PTPRG: variants seen among roughly 807,000 people sequenced by gnomAD.
PTPRG encodes receptor-type tyrosine-protein phosphatase gamma.
In PTPRG, 102 loss-of-function variants were observed where a neutral mutation model predicts 165.3. The observed-to-expected ratio is 0.62, with a 90% CI of 0.53 to 0.73. The LOEUF (loss-of-function observed/expected upper bound fraction) is 0.73, where lower values mean the gene tolerates loss of function less well. Ranked by LOEUF, PTPRG falls within the 30% of genes least tolerant of loss-of-function variation. The pLI, the probability that PTPRG is intolerant of heterozygous loss-of-function variation, is 0.00. For synonymous variants in PTPRG, 675 were observed against 669.5 expected (o/e 1.01, Z -0.13); for missense variants, 1,866 against 1,861.4 (o/e 1.00, Z -0.05).
At chr3:62,102,365 C>T (rs1702322359) in intron 5 of PTPRG, among the ~76,000 whole-genome samples, 1 of 152,166 alleles carries the variant, frequency 6.6e-6, no homozygotes. Context: ...ACCTCCGCCT[C>T]CTGGGTTCAA....
chr3:61,998,628 GTATCAAGA>G (rs2041096946), intron 3 of PTPRG, among the ~76,000 whole-genome samples: 1 of 152,182 alleles, frequency 6.6e-6, no homozygotes, highest in African/African-American at 2.4e-5. Context: ...TTTACTTCTT[GTATCAAGA>G]AGGTATAGAC....
At chr3:61,979,331 T>C (rs757062743) in intron 2 of PTPRG, among the ~76,000 whole-genome samples, 43 of 152,362 alleles carry the variant, frequency 2.8e-4, no homozygotes, top group Non-Finnish European at 5.1e-4. Context: ...TGAAATATTA[T>C]TTGTTTTGAT....
At chr3:61,771,392 A>AC (rs1260952203) in intron 2 of PTPRG, 1 of 151,606 alleles carries the variant, frequency 6.6e-6, no homozygotes, top group African/African-American at 2.4e-5. Context: ...CTAAAAAAAA[A>AC]AAACTTTCTA....
At chr3:61,721,389 C>CA (rs971433703) in intron 1 of PTPRG, among the ~76,000 whole-genome samples, 2 of 152,072 alleles carry the variant, frequency 1.3e-5, no homozygotes, top group Admixed American at 1.3e-4. Context: ...TTTACAAACT[C>CA]AAAGATGTAC....
intron 1 of PTPRG, among the ~76,000 whole-genome samples, chr3:61,697,035 C>G (rs1334885401): frequency 6.6e-6 from 1 of 152,138 alleles, no homozygotes; most frequent in African/African-American, 2.4e-5. Context: ...AATATGGCAC[C>G]TTGGAATTTG....
intron 2 of PTPRG, among the ~76,000 whole-genome samples, chr3:61,908,592 G>T (rs2107535309): frequency 6.6e-6 from 1 of 152,162 alleles, no homozygotes; most frequent in Non-Finnish European, 1.5e-5. Flanking sequence ...GTGACTCAGT[G>T]CAGCAATAAA....
intron 1 of PTPRG, among the ~76,000 whole-genome samples, chr3:61,629,520 T>A (rs1336942290): frequency 2.0e-5 from 3 of 152,194 alleles, no homozygotes; most frequent in Admixed American, 2.0e-4. Context: ...ACAGACACTA[T>A]TAGGTTTAAT....
chr3:61,997,421 G>C (rs939211692), intron 3 of PTPRG, among the ~76,000 whole-genome samples: 1 of 152,094 alleles, frequency 6.6e-6, no homozygotes. Flanking sequence ...CTCTGTCCTC[G>C]TGTCCCATCC....
chr3:62,175,632 G>A (rs1303646879), intron 8 of PTPRG, among the ~76,000 whole-genome samples: 2 of 152,222 alleles, frequency 1.3e-5, no homozygotes, highest in Non-Finnish European at 2.9e-5. Flanking sequence ...TAGAAATAAA[G>A]TTGAACAAGG....
Position 62,222,299 on chromosome 3 carries a change from G to C in PTPRG, c.2288+3316G>C, listed in dbSNP as rs886852057. Among the ~76,000 whole-genome samples, 7 of 152,192 alleles carry C rather than the reference G, an allele frequency of 4.6e-5. No individual in the cohort carries two copies. The highest frequency in any genetic ancestry group is 4.4e-5 in the Non-Finnish European group (3 of 68,026). ...TGGAACATCAGGACTTGGCTGGTTTGGTCTGTCTGTGTTTCTCTTGCCGTC... is the reference window on the plus strand; with the variant it reads ...TGGAACATCAGGACTTGGCTGGTTTCGTCTGTCTGTGTTTCTCTTGCCGTC... On this transcript the variant is annotated intron_variant, in intron 13 of 29. Coordinates refer to ENST00000474889, the MANE Select transcript of PTPRG (RefSeq NM_002841.4). This position sits in a 1 kb window ranked among gnomAD's most constrained non-coding sequence, Gnocchi z 4.5.
At chr3:62,074,965 T>G (rs1015491507) in intron 4 of PTPRG, among the ~76,000 whole-genome samples, 1 of 152,210 alleles carries the variant, frequency 6.6e-6, no homozygotes, top group Non-Finnish European at 1.5e-5. Flanking sequence ...CAGCAAAACC[T>G]CATCTACTTA....
At chr3:61,960,313 G>A (rs536311863) in intron 2 of PTPRG, among the ~76,000 whole-genome samples, 5 of 151,876 alleles carry the variant, frequency 3.3e-5, no homozygotes, top group South Asian at 4.2e-4. Context: ...TGGAGTGGTG[G>A]CATGGCCTCT....
At chr3:62,262,945 A>G (rs1559723255) in intron 17 of PTPRG, 51 bp downstream of exon 17, 1 of 1,384,374 alleles carries the variant, frequency 7.2e-7, no homozygotes, top group Non-Finnish European at 1.0e-6. Context: ...TTAAATTTTC[A>G]TGCTGGGTAT....
chr3:61,686,913 A>C (rs1224066463), intron 1 of PTPRG, among the ~76,000 whole-genome samples: 1 of 152,154 alleles, frequency 6.6e-6, no homozygotes, highest in Non-Finnish European at 1.5e-5. Flanking sequence ...TTGTCTTGAG[A>C]GGTATGGGGA....
chr3:62,192,296 T>C (rs966765531), intron 9 of PTPRG, among the ~76,000 whole-genome samples: 2 of 151,544 alleles, frequency 1.3e-5, no homozygotes, highest in Non-Finnish European at 2.9e-5. Context: ...CTCTAAAAAT[T>C]TACATAAATG....
At chr3:61,580,050 G>A (rs1173469872) in intron 1 of PTPRG, among the ~76,000 whole-genome samples, 1 of 152,176 alleles carries the variant, frequency 6.6e-6, no homozygotes, top group Non-Finnish European at 1.5e-5. Flanking sequence ...TGCATAAGAT[G>A]CATGTAGATA....
chr3:62,041,442 C>CT (rs1700125210), intron 4 of PTPRG, among the ~76,000 whole-genome samples: 1 of 152,162 alleles, frequency 6.6e-6, no homozygotes, highest in Non-Finnish European at 1.5e-5. Flanking sequence ...CAAGACAAGA[C>CT]TTTTAGTCTG....
intron 3 of PTPRG, among the ~76,000 whole-genome samples, chr3:61,992,721 C>T (rs756351810): frequency 2.6e-5 from 4 of 152,170 alleles, no homozygotes; most frequent in Non-Finnish European, 5.9e-5. Context: ...AGGATTTCAC[C>T]ATGCTGGCCA....
At chr3:61,821,845 G>A (rs1314550176) in intron 2 of PTPRG, among the ~76,000 whole-genome samples, 3 of 152,232 alleles carry the variant, frequency 2.0e-5, no homozygotes, top group Non-Finnish European at 4.4e-5. Context: ...GCACCTTTAT[G>A]TGGTAGTCAC....
Sources: allele counts gnomAD v4.1 joint callset (sites outside exome capture counted in the v4.1 genomes callset), GRCh38; gene constraint gnomAD v4.1.1; non-coding constraint Gnocchi (gnomAD v3.1); transcripts MANE v1.5; gene names NCBI Gene and HGNC (gene_info 2026-07-23, HGNC 2026-07-21).